The following AXDND1 variants were observed in gnomAD, a reference collection of about 807,000 sequenced individuals.
AXDND1 encodes axonemal dynein light chain domain-containing protein 1.
Under a neutral mutation model 137.5 loss-of-function variants are expected in AXDND1, and 110 were observed. The ratio of observed to expected loss-of-function variants is 0.80; its 90% CI spans 0.69 to 0.94. AXDND1 has a LOEUF of 0.94. Among genes scored for constraint, AXDND1 ranks in the 40% least tolerant of loss-of-function variants. The probability of loss-of-function intolerance (pLI) is 0.00; values close to 1 mark genes in which losing one functional copy is unlikely to be tolerated. For synonymous variants in AXDND1, 414 were observed against 399.7 expected (o/e 1.04, Z -0.43); for missense variants, 1,191 against 1,169.8 (o/e 1.02, Z -0.26).
Position 179,483,157 on chromosome 1 carries a change from T to G in AXDND1, c.2027T>G (p.Ile676Ser). ...SVLQAYIFNM[I>S]QQWLLKIGNE... is the part of the protein sequence containing the mutation. ...CTCCAAGCGTATATATTTAACATGA[T>G]TCAACAATGGCTTTTGAAGATAGGC... Residue 676 changes from isoleucine (I) to serine (S), a missense_variant, in exon 18 of 26, where the codon ATT becomes AGT. Ile to Ser is a moderately radical substitution (Grantham distance 142). Transcript: ENST00000367618. 6.2e-7 allele frequency: 1 copy of G among 1,609,430 alleles called. No homozygotes were observed. The highest frequency in any genetic ancestry group is 8.5e-7 in the Non-Finnish European group (1 of 1,177,488).
chr1:179,449,263 C>A, intron 16 of AXDND1: 1 of 345,872 alleles, frequency 2.9e-6, no homozygotes, highest in Non-Finnish European at 5.8e-6. Flanking sequence ...GTTGTCCTAG[C>A]ACCATTTATT....
intron 23 of AXDND1, among the ~76,000 whole-genome samples, chr1:179,532,548 A>G (rs1267423732): frequency 6.6e-6 from 1 of 152,184 alleles, no homozygotes; most frequent in East Asian, 1.9e-4. Flanking sequence ...GAAAGAGAAA[A>G]ATATGTGACA....
intron 17 of AXDND1, among the ~76,000 whole-genome samples, chr1:179,479,880 G>T (rs1323723538): frequency 6.6e-6 from 1 of 152,218 alleles, no homozygotes; most frequent in Non-Finnish European, 1.5e-5. Flanking sequence ...GCAAAATGCT[G>T]CCAGTCTCTT....
chr1:179,379,248 C>T lies in AXDND1; in HGVS notation c.496-149C>T, dbSNP rs536540513. 15 of 733,798 alleles carry T rather than the reference C, an allele frequency of 2.0e-5. No individual in the cohort carries two copies. The African/African-American group carries it at 2.5e-4, about 12-fold the overall frequency. 45.5% of individuals were successfully genotyped at this position (733,798 alleles called of 1,614,324 possible). ...GGTTAGTTTTTGTCATTTGCTATGA[C>T]CCACATTGCTAATATTGTTATTTCT... On this transcript the variant is annotated intron_variant, in intron 5 of 25. Transcript: ENST00000367618.
chr1:179,482,701 T>TA lies in AXDND1; in HGVS notation c.1998-420dup, dbSNP rs201977629. Among the ~76,000 whole-genome samples, 1,118 of 152,058 alleles carry TA rather than the reference T, an allele frequency of 7.4e-3. 48 individuals carry two copies. Among genetic ancestry groups the TA allele is most frequent in the Admixed American group, 0.065 (993 of 15,238 alleles). On this transcript the variant is annotated intron_variant, in intron 17 of 25. Coordinates refer to ENST00000367618, the MANE Select transcript of AXDND1 (RefSeq NM_144696.6). ...TTTTAGAGGCTTTAAGTGGTGTATT[T>TA]AAAAAAATAATTGTTACCAGTTTCG...
chr1:179,401,701 G>C (rs115085854), intron 11 of AXDND1, among the ~76,000 whole-genome samples: 8 of 152,016 alleles, frequency 5.3e-5, no homozygotes, highest in Non-Finnish European at 1.0e-4. Flanking sequence ...TACTGTTCTC[G>C]TGGTAGTAAG....
intron 16 of AXDND1, chr1:179,449,049 C>T: frequency 4.8e-6 from 2 of 413,660 alleles, no homozygotes; most frequent in South Asian, 3.5e-5. Context: ...CCACTGTTGA[C>T]TAATTTTTTT....
At position 179,552,386 on chromosome 1, in the gene AXDND1, T is replaced by G. The variant is rs1673416952; in HGVS notation, c.3032-2126T>G. The G allele has an allele frequency of 5.0e-6, 3 of 602,652 alleles. 1 individual carries two copies. In the South Asian group the frequency reaches 5.6e-5, roughly 11 times the overall value. The allele number at this position is 602,652 out of a possible 1,614,324, so 37.3% of individuals were successfully genotyped here. On this transcript the variant is annotated intron_variant, in intron 25 of 25. Transcript: ENST00000367618. ...GGGAAGGTGAGACTCAAGCAGTGAG[T>G]GGTCACTATTATCAGTAGCTTCAGA...
chr1:179,468,447 C>T lies in AXDND1; in HGVS notation c.1803C>T (p.Tyr601=). Residue 601 remains tyrosine, a synonymous_variant, in exon 17 of 26, where the codon TAC becomes TAT. Transcript: ENST00000367618. ...YEIRINGDNG[Y]SKILPSLISS... ...ATGCTTTTCTTACTTTTCTAGGTTA[C>T]TCCAAAATTCTTCCAAGTTTGATTA... The T allele has an allele frequency of 6.2e-7, 1 of 1,602,810 alleles. No homozygotes were observed. The highest frequency in any genetic ancestry group is 8.5e-7 in the Non-Finnish European group (1 of 1,174,474).
At chr1:179,487,876 G>A (rs1038174161) in intron 18 of AXDND1, among the ~76,000 whole-genome samples, 1 of 146,484 alleles carries the variant, frequency 6.8e-6, no homozygotes, top group African/African-American at 2.6e-5. Context: ...CACACCTATA[G>A]TCCCAACTAC....
chr1:179,520,390 A>G (rs761260741), intron 21 of AXDND1, among the ~76,000 whole-genome samples: 13 of 152,100 alleles, frequency 8.5e-5, no homozygotes, highest in Admixed American at 2.6e-4. Context: ...AGCCCTCATC[A>G]CTGATCTTTT....
At chr1:179,434,571 C>A (rs993507287) in intron 15 of AXDND1, among the ~76,000 whole-genome samples, 5 of 152,182 alleles carry the variant, frequency 3.3e-5, no homozygotes, top group African/African-American at 4.8e-5. Flanking sequence ...TAAATGTAAT[C>A]TATCACATAA....
intron 25 of AXDND1, chr1:179,544,689 A>AG (rs1672490393): frequency 1.4e-5 from 2 of 141,786 alleles, no homozygotes; most frequent in African/African-American, 5.0e-5. Flanking sequence ...AAAAAAAAAA[A>AG]GAAAAAGAAA....
chr1:179,414,138 T>G (rs1654318659), intron 12 of AXDND1, among the ~76,000 whole-genome samples: 1 of 151,794 alleles, frequency 6.6e-6, no homozygotes, highest in African/African-American at 2.4e-5. Flanking sequence ...AAAAATAAAT[T>G]TAAACATTAT....
chr1:179,383,450 A>G lies in AXDND1; in HGVS notation c.647A>G (p.Asn216Ser). ...RLLLFPSMKP[N>S]KRVEVAQLND... Reference sequence around the variant, plus strand: ...CCACCTTAATTTTTTAGGAAACCTAATAAAAGAGTAGAAGTGGCCCAGCTG... The same window carrying G: ...CCACCTTAATTTTTTAGGAAACCTAGTAAAAGAGTAGAAGTGGCCCAGCTG... The change falls in exon 8 of 26, where the codon AAT becomes AGT. Residue 216 changes from asparagine to serine, a missense_variant. Transcript: ENST00000367618. The G allele has an allele frequency of 6.2e-7, 1 of 1,613,468 alleles. No homozygotes were observed. The highest frequency in any genetic ancestry group is 8.5e-7 in the Non-Finnish European group (1 of 1,179,460).
intron 15 of AXDND1, among the ~76,000 whole-genome samples, chr1:179,440,126 C>T (rs1173842770): frequency 6.6e-6 from 1 of 152,142 alleles, no homozygotes; most frequent in African/African-American, 2.4e-5. Context: ...TCCTATACCC[C>T]CTTTTTGTCT....
chr1:179,369,090 T>C (rs373231835), intron 3 of AXDND1, 118 bp downstream of exon 3: 1 of 1,073,868 alleles, frequency 9.3e-7, no homozygotes, highest in South Asian at 1.7e-5. Context: ...ATTTTAAGAT[T>C]GATTGAGACA....
intron 25 of AXDND1, among the ~76,000 whole-genome samples, chr1:179,550,087 C>T (rs950673133): frequency 7.2e-5 from 11 of 152,262 alleles, no homozygotes; most frequent in African/African-American, 2.6e-4. Flanking sequence ...TTCGGCACCC[C>T]TGCATAGTTT....
intron 15 of AXDND1, 139 bp downstream of exon 15, chr1:179,432,481 A>C: frequency 8.9e-6 from 11 of 1,234,182 alleles, no homozygotes; most frequent in Non-Finnish European, 1.2e-5. Flanking sequence ...GCTGGAGCGC[A>C]GTAGTGTGAT....
Sources: gnomAD v4.1 joint callset for allele counts (sites outside exome capture counted in the v4.1 genomes callset) on GRCh38, gnomAD v4.1.1 for gene constraint, MANE v1.5 for transcripts, NCBI Gene and HGNC (gene_info 2026-07-23, HGNC 2026-07-21) for gene names.